RMC1: variants seen among roughly 807,000 people sequenced by gnomAD.
RMC1 encodes the protein regulator of MON1-CCZ1 complex.
Under a neutral mutation model 95.5 loss-of-function variants are expected in RMC1, and 44 were observed. The observed-to-expected ratio is 0.46, with a 90% confidence interval of 0.36 to 0.59. RMC1 has a LOEUF of 0.59. Among genes scored for constraint, RMC1 ranks in the 20% least tolerant of loss-of-function variants. The pLI, the probability that RMC1 is intolerant of heterozygous loss-of-function variation, is 0.00. For missense variants in RMC1, 705 were observed against 819.6 expected (o/e 0.86, Z 1.71); for synonymous variants, 320 against 303.6 (o/e 1.05, Z -0.56).
chr18:23,507,101 A>C, intron 3 of RMC1, 47 bp downstream of exon 3: 2 of 1,344,040 alleles, frequency 1.5e-6, no homozygotes, highest in Non-Finnish European at 2.1e-6. Context: ...TTAGAAATAC[A>C]TTTGGAAGAG....
intron 12 of RMC1, 29 bp from the exon 13 acceptor site, chr18:23,526,608 T>C: frequency 6.2e-7 from 1 of 1,611,246 alleles, no homozygotes; most frequent in Non-Finnish European, 8.5e-7. Flanking sequence ...TGCATCATAC[T>C]GTTTTATTTG....
In RMC1 at chr18:23,524,415, C is replaced by G. The variant is rs1180045074; in HGVS notation, c.1007-14C>G. ...TTCATCTTTTCCTGGTTTAGAATTT[C>G]CTATAACATGTGGATTCTTCATCTT... On this transcript the variant is annotated splice_polypyrimidine_tract_variant and intron_variant, in intron 11 of 19. Transcript: ENST00000269221. 1 of 1,613,778 alleles carries G rather than the reference C, an allele frequency of 6.2e-7. No homozygotes were observed. The highest frequency in any genetic ancestry group is 8.5e-7 in the Non-Finnish European group (1 of 1,179,704).
At chr18:23,523,341 T>G (rs2058194577) in intron 10 of RMC1, among the ~76,000 whole-genome samples, 1 of 151,772 alleles carries the variant, frequency 6.6e-6, no homozygotes, top group African/African-American at 2.4e-5. Context: ...CATGTGAGGT[T>G]TTGGGGGTCT....
At chr18:23,510,701 A>C (rs1421424793) in intron 5 of RMC1, among the ~76,000 whole-genome samples, 2 of 152,240 alleles carry the variant, frequency 1.3e-5, no homozygotes, top group Non-Finnish European at 2.9e-5. Context: ...AAGAAGACAC[A>C]CATGCGACCA....
chr18:23,508,174 C>A, intron 4 of RMC1, 133 bp downstream of exon 4: 1 of 736,870 alleles, frequency 1.4e-6, no homozygotes, highest in South Asian at 3.0e-5. Context: ...GATTCCCAAA[C>A]TGGAGTCAGG....
intron 9 of RMC1, among the ~76,000 whole-genome samples, 155 bp downstream of exon 9, chr18:23,519,329 G>A (rs562603731): frequency 2.1e-3 from 320 of 152,240 alleles, no homozygotes; most frequent in Admixed American, 3.9e-3. Flanking sequence ...ACCAGCCTGA[G>A]CAGCATGGCA....
rs147681066 is a variant in RMC1, at chr18:23,529,920, GAC to G, written c.1495-106_1495-105del. On this transcript the variant is annotated intron_variant, in intron 16 of 19. Coordinates refer to ENST00000269221, the MANE Select transcript of RMC1 (RefSeq NM_013326.5). ...GCATGACGAAACCACTTCTTGTAAT[GAC>G]AGACTTTTACTGTGTTGGTTAGAAT... The G allele has an allele frequency of 4.5e-3, 5,283 of 1,162,536 alleles. 170 individuals carry two copies. In the African/African-American group the frequency reaches 0.073, roughly 16 times the overall value. The allele number at this position is 1,162,536 out of a possible 1,614,324, so 72.0% of individuals were successfully genotyped here. A position where few individuals can be genotyped will look rare whatever the true frequency, so the allele number is the denominator to read the frequency against.
chr18:23,519,244 A>G, intron 9 of RMC1, 70 bp downstream of exon 9: 4 of 1,342,858 alleles, frequency 3.0e-6, no homozygotes, highest in African/African-American at 1.4e-5. Context: ...GTGGCTGGGC[A>G]CGGTGGATCA....
At chr18:23,509,939 C>G (rs2057807075) in intron 5 of RMC1, among the ~76,000 whole-genome samples, 1 of 151,218 alleles carries the variant, frequency 6.6e-6, no homozygotes, top group African/African-American at 2.4e-5. Flanking sequence ...AACCTCAACT[C>G]CTGCCTTGGC....
chr18:23,530,579 C>A lies in RMC1; in HGVS notation c.1861C>A (p.Gln621Lys), dbSNP rs944196369. 15 of 1,614,046 alleles carry A rather than the reference C, an allele frequency of 9.3e-6. No homozygotes were observed. The highest frequency in any genetic ancestry group is 1.2e-5 in the Non-Finnish European group (14 of 1,179,924). ...TIFRFFEQRNQRLRGSPNFTP... is the reference protein window; with the variant it reads ...TIFRFFEQRNKRLRGSPNFTP... ...ATTCCGCTTTTTTGAACAGCGAAAC[C>A]AGCGTTTGCGAGGGAGCCCCAATTT... Residue 621 changes from glutamine to lysine, a missense_variant, in exon 19 of 20, where the codon CAG (glutamine) becomes AAG (lysine). Physicochemically the swap from Gln to Lys is moderately conservative, Grantham distance 53. Transcript: ENST00000269221.
chr18:23,512,036 T>C (rs111565280), intron 5 of RMC1, among the ~76,000 whole-genome samples: 17,668 of 137,318 alleles, frequency 0.13, 1,941 homozygotes, highest in African/African-American at 0.33. Context: ...TTTTTTTTTT[T>C]CTGAGACAGA....
intron 5 of RMC1, 93 bp downstream of exon 5, chr18:23,509,372 T>TA: frequency 2.6e-6 from 1 of 382,230 alleles, no homozygotes; most frequent in South Asian, 1.2e-4. Flanking sequence ...TATATATATA[T>TA]TTTAAACATT....
Position 23,530,393 on chromosome 18 carries a change from T to A in RMC1, c.1675T>A (p.Ser559Thr), listed in dbSNP as rs769460645. The A allele has an allele frequency of 1.1e-5, 17 of 1,614,202 alleles. No individual in the cohort carries two copies. The highest frequency in any genetic ancestry group is 1.4e-5 in the Non-Finnish European group (16 of 1,180,010). Reference protein sequence around the residue: ...QLSLDMLKRLSTANDEIVEVL... With the variant: ...QLSLDMLKRLTTANDEIVEVL... ...TTCTCTCCCTTACTGCTAGCGACTT[T>A]CAACAGCAAATGATGAAATAGTAGA... The change falls in exon 19 of 20, where the codon TCA becomes ACA. Residue 559 changes from serine (S) to threonine (T), a missense_variant. By Grantham distance (58) the Ser-to-Thr change is moderately conservative. Coordinates refer to ENST00000269221, the MANE Select transcript of RMC1 (RefSeq NM_013326.5).
At chr18:23,522,801 T>C (rs2058177835) in intron 10 of RMC1, 1 of 152,352 alleles carries the variant, frequency 6.6e-6, no homozygotes, top group South Asian at 2.1e-4. Flanking sequence ...GGTTAGTGAC[T>C]CTCCTTTTGT....
At chr18:23,508,149 A>T in intron 4 of RMC1, 108 bp downstream of exon 4, 4 of 983,846 alleles carry the variant, frequency 4.1e-6, no homozygotes, top group Non-Finnish European at 5.8e-6. Flanking sequence ...TTGAAGTCAG[A>T]CTGTCCCTCA....
At chr18:23,514,934 C>G (rs1010294394) in intron 5 of RMC1, among the ~76,000 whole-genome samples, 1 of 151,950 alleles carries the variant, frequency 6.6e-6, no homozygotes, top group Non-Finnish European at 1.5e-5. Flanking sequence ...TCTGTAATAT[C>G]GGAATATTTA....
chr18:23,530,643 C>T (rs567664912), intron 19 of RMC1, 31 bp downstream of exon 19: 1 of 1,598,232 alleles, frequency 6.3e-7, no homozygotes, highest in Admixed American at 1.7e-5. Context: ...CTTGGGGTAA[C>T]CATAGCCTCA....
chr18:23,531,528 A>G, intron 19 of RMC1, 97 bp from the exon 20 acceptor site: 1 of 1,524,246 alleles, frequency 6.6e-7, no homozygotes, highest in Non-Finnish European at 8.8e-7. Flanking sequence ...TATTAAAGAA[A>G]AATAAGTTAA....
At chr18:23,520,661 A>G (rs796365529) in intron 10 of RMC1, among the ~76,000 whole-genome samples, 10 of 151,244 alleles carry the variant, frequency 6.6e-5, no homozygotes, top group African/African-American at 2.4e-4. Context: ...TTTTTGACAG[A>G]GCCTCACTTT....
Sources: gnomAD v4.1 joint callset for allele counts (sites outside exome capture counted in the v4.1 genomes callset) on GRCh38, gnomAD v4.1.1 for gene constraint, MANE v1.5 for transcripts, NCBI Gene and HGNC (gene_info 2026-07-23, HGNC 2026-07-21) for gene names.